PCDH9: variants seen among roughly 807,000 people sequenced by gnomAD.
The protein encoded by PCDH9 is protocadherin-9.
PCDH9 carries 24 observed loss-of-function variants against 70.6 expected under a neutral mutation model. The ratio of observed to expected loss-of-function variants is 0.34; its 90% CI spans 0.25 to 0.48. PCDH9 has a LOEUF of 0.48. Ranked by LOEUF, PCDH9 falls within the 20% of genes least tolerant of loss-of-function variation. The pLI is 0.99. For synonymous variants in PCDH9, 562 were observed against 558.5 expected (o/e 1.01, Z -0.09); for missense variants, 1,281 against 1,503.6 (o/e 0.85, Z 2.45).
chr13:66,833,278 T>C (rs541481058), intron 3 of PCDH9, among the ~76,000 whole-genome samples: 1 of 152,312 alleles, frequency 6.6e-6, no homozygotes, highest in Admixed American at 6.5e-5. Flanking sequence ...GGACTGAATC[T>C]CTTCATTGGA....
intron 4 of PCDH9, among the ~76,000 whole-genome samples, chr13:66,565,052 G>A (rs2076633807): frequency 6.6e-6 from 1 of 152,030 alleles, no homozygotes; most frequent in Non-Finnish European, 1.5e-5. Context: ...TCTTTTAACT[G>A]TTTCAGGACA....
chr13:66,641,486 G>A (rs754502039), intron 3 of PCDH9, among the ~76,000 whole-genome samples: 3 of 152,168 alleles, frequency 2.0e-5, no homozygotes, highest in Admixed American at 6.5e-5. Flanking sequence ...AAATATGTGC[G>A]TGCAAGAACA....
At chr13:66,769,907 A>C (rs542683928) in intron 3 of PCDH9, among the ~76,000 whole-genome samples, 6 of 152,202 alleles carry the variant, frequency 3.9e-5, no homozygotes, top group African/African-American at 1.2e-4. Context: ...GGGGCTCAGC[A>C]GGGGCAAGGC....
chr13:66,937,332 C>A (rs1456273332), intron 2 of PCDH9, among the ~76,000 whole-genome samples: 1 of 152,196 alleles, frequency 6.6e-6, no homozygotes, highest in Non-Finnish European at 1.5e-5. Context: ...TTCAGAAATT[C>A]TAACTCTAAA....
chr13:66,957,289 CT>C (rs1002462201), intron 2 of PCDH9, among the ~76,000 whole-genome samples: 5 of 149,792 alleles, frequency 3.3e-5, no homozygotes, highest in South Asian at 2.1e-4. Context: ...CTGCAATGAA[CT>C]TTTTTTTTTA....
At chr13:67,038,795 A>G (rs1423740880) in intron 2 of PCDH9, among the ~76,000 whole-genome samples, 1 of 152,082 alleles carries the variant, frequency 6.6e-6, no homozygotes, top group Non-Finnish European at 1.5e-5. Context: ...ATCTTTTGTT[A>G]TAGTATTGGG....
At chr13:66,656,656 A>G (rs2077934677) in intron 3 of PCDH9, among the ~76,000 whole-genome samples, 1 of 152,106 alleles carries the variant, frequency 6.6e-6, no homozygotes, top group Non-Finnish European at 1.5e-5. Context: ...GGCGGTTAAA[A>G]TGCCCTCTTC....
At chr13:66,484,778 C>T (rs1273973877) in intron 4 of PCDH9, among the ~76,000 whole-genome samples, 1 of 152,116 alleles carries the variant, frequency 6.6e-6, no homozygotes, top group Non-Finnish European at 1.5e-5. Flanking sequence ...CTGGGAATAT[C>T]GCTTAACTCC....
chr13:66,959,828 CT>C (rs1566321393), intron 2 of PCDH9, among the ~76,000 whole-genome samples: 1 of 151,676 alleles, frequency 6.6e-6, no homozygotes, highest in African/African-American at 2.4e-5. Context: ...GCTGGATTAC[CT>C]TTTTTATTAA....
intron 2 of PCDH9, among the ~76,000 whole-genome samples, chr13:67,200,409 G>C (rs1179275645): frequency 2.6e-5 from 4 of 152,046 alleles, no homozygotes; most frequent in Non-Finnish European, 5.9e-5. Flanking sequence ...ATTAAATACT[G>C]TGGTGACTCA....
At chr13:67,035,888 A>T (rs1469899487) in intron 2 of PCDH9, among the ~76,000 whole-genome samples, 3 of 152,142 alleles carry the variant, frequency 2.0e-5, no homozygotes, top group African/African-American at 4.8e-5. Flanking sequence ...TGATCTTCAC[A>T]TTCCCTAAAA....
chr13:66,522,754 G>GC (rs1960054074), intron 4 of PCDH9, among the ~76,000 whole-genome samples: 1 of 151,996 alleles, frequency 6.6e-6, no homozygotes, highest in South Asian at 2.1e-4. Flanking sequence ...AAGAAGATCT[G>GC]CAAGAGACAT....
At chr13:67,102,782 T>C (rs1270128370) in intron 2 of PCDH9, among the ~76,000 whole-genome samples, 1 of 152,148 alleles carries the variant, frequency 6.6e-6, no homozygotes, top group African/African-American at 2.4e-5. Context: ...AAAGAATATG[T>C]TACAGATACT....
chr13:66,865,470 A>G (rs994979333), intron 3 of PCDH9, among the ~76,000 whole-genome samples: 6 of 152,250 alleles, frequency 3.9e-5, no homozygotes, highest in Admixed American at 6.5e-5. Context: ...TCGAGTAAGT[A>G]GAACCTATGG....
intron 2 of PCDH9, among the ~76,000 whole-genome samples, chr13:66,943,220 C>A (rs888411712): frequency 1.3e-5 from 2 of 151,930 alleles, no homozygotes; most frequent in Admixed American, 1.3e-4. Flanking sequence ...CAATGGTTTG[C>A]AATATAAAAT....
At chr13:66,604,279 AC>A (rs1566449941) in intron 4 of PCDH9, among the ~76,000 whole-genome samples, 1 of 152,010 alleles carries the variant, frequency 6.6e-6, no homozygotes, top group East Asian at 1.9e-4. Context: ...TTGTCAATGC[AC>A]CTGGCTGAAC....
intron 4 of PCDH9, among the ~76,000 whole-genome samples, chr13:66,394,893 A>C (rs1278682953): frequency 6.6e-6 from 1 of 152,192 alleles, no homozygotes; most frequent in East Asian, 1.9e-4. Context: ...AATATTCTAT[A>C]CTGAATGAAA....
intron 2 of PCDH9, chr13:67,204,823 T>C (rs1439659427): frequency 6.6e-6 from 1 of 152,192 alleles, no homozygotes; most frequent in East Asian, 1.9e-4. Context: ...TAGGCCACTG[T>C]ATTCATGTCT....
In PCDH9 at chr13:67,216,656, T is replaced by C. The variant is rs567439837; in HGVS notation, c.3036+8749A>G. 7.3e-5 allele frequency: 9 copies of C among 122,772 alleles called. No individual in the cohort carries two copies. The South Asian group carries it at 2.4e-3, about 33-fold the overall frequency. 7.6% of individuals were successfully genotyped at this position (122,772 alleles called of 1,614,324 possible). A position where few individuals can be genotyped will look rare whatever the true frequency, so the allele number is the denominator to read the frequency against. ...AGAAAGGACACATCATAGATTTTATTTCACACTTTGTGGTTGTCTTAAGCA... is the reference window on the plus strand; with the variant it reads ...AGAAAGGACACATCATAGATTTTATCTCACACTTTGTGGTTGTCTTAAGCA... On this transcript the variant is annotated intron_variant, in intron 2 of 4. Coordinates refer to ENST00000377865, the MANE Select transcript of PCDH9 (RefSeq NM_203487.3).
Sources: gnomAD v4.1 joint callset for allele counts (sites outside exome capture counted in the v4.1 genomes callset) on GRCh38, gnomAD v4.1.1 for gene constraint, MANE v1.5 for transcripts, NCBI Gene and HGNC (gene_info 2026-07-23, HGNC 2026-07-21) for gene names.